Variants in ARHGAP44 observed in about 807,000 individuals in gnomAD.
The protein encoded by ARHGAP44 is rho GTPase-activating protein 44.
A neutral mutation model predicts 106.8 loss-of-function variants in ARHGAP44; 43 were observed. The observed-to-expected ratio is 0.40, with a 90% CI of 0.32 to 0.52. ARHGAP44 has a LOEUF of 0.52. ARHGAP44 is among the 20% of genes least tolerant of loss of function. The pLI, the probability that ARHGAP44 is intolerant of heterozygous loss-of-function variation, is 0.48. For missense variants in ARHGAP44, 866 were observed against 1,050.5 expected, an observed-to-expected ratio of 0.82 and a Z score of 2.43; for synonymous variants, 439 against 410.3, an observed-to-expected ratio of 1.07 and a Z score of -0.85.
chr17:12,826,222 C>T (rs2034915368), intron 1 of ARHGAP44, among the ~76,000 whole-genome samples: 1 of 152,122 alleles, frequency 6.6e-6, no homozygotes, highest in African/African-American at 2.4e-5. Context: ...TGATCCTCTC[C>T]ATCCTCCCAC....
At chr17:12,920,250 C>T (rs891750575) in intron 6 of ARHGAP44, among the ~76,000 whole-genome samples, 3 of 148,246 alleles carry the variant, frequency 2.0e-5, no homozygotes, top group South Asian at 2.2e-4. Context: ...GTGGCGGGTG[C>T]CTGTAGTCCC....
chr17:12,926,664 AAAAAG>A (rs1478749902), intron 6 of ARHGAP44, among the ~76,000 whole-genome samples: 2 of 151,312 alleles, frequency 1.3e-5, no homozygotes, highest in East Asian at 1.9e-4. Context: ...AGATGAGAAT[AAAAAG>A]AAAAGAAGGA....
chr17:12,989,121 A>C (rs941258495), intron 20 of ARHGAP44, among the ~76,000 whole-genome samples: 2 of 148,980 alleles, frequency 1.3e-5, no homozygotes, highest in Non-Finnish European at 3.0e-5. Flanking sequence ...AAAAAAAAAA[A>C]AAAACTAAGC....
chr17:12,954,228 G>A (rs561840669), intron 13 of ARHGAP44, among the ~76,000 whole-genome samples: 7 of 152,134 alleles, frequency 4.6e-5, no homozygotes, highest in Non-Finnish European at 7.3e-5. Flanking sequence ...ACAAGGTTTA[G>A]CTAGGGAAGA....
intron 1 of ARHGAP44, among the ~76,000 whole-genome samples, chr17:12,845,517 A>AC (rs1555546590): frequency 7.0e-6 from 1 of 141,932 alleles, no homozygotes; most frequent in African/African-American, 2.8e-5. Context: ...AAAAAAAAAA[A>AC]AAAAACAAAA....
chr17:12,868,850 G>T (rs2036320061), intron 1 of ARHGAP44, among the ~76,000 whole-genome samples: 1 of 150,982 alleles, frequency 6.6e-6, no homozygotes, highest in South Asian at 2.1e-4. Flanking sequence ...TAGAGACAGG[G>T]TCTCACCATA....
At position 12,874,625 on chromosome 17, in the gene ARHGAP44, C is replaced by T. The variant is rs189368605; in HGVS notation, c.54-20315C>T. 8.5e-3 allele frequency among the ~76,000 whole-genome samples: 1,297 copies of T among 151,712 alleles called. 25 individuals are homozygous for T. Among genetic ancestry groups the T allele is most frequent in the Admixed American group, 0.032 (491 of 15,236 alleles). ...GGGCACCTGTAAATCCCAGCTACTT[C>T]GGAGGCTGAGACAGGAGAATCGCTT... On this transcript the variant is annotated intron_variant, in intron 1 of 20. Coordinates refer to ENST00000379672, the MANE Select transcript of ARHGAP44 (RefSeq NM_014859.6).
intron 1 of ARHGAP44, among the ~76,000 whole-genome samples, chr17:12,795,243 GTA>G (rs1215726689): frequency 1.3e-5 from 2 of 152,188 alleles, no homozygotes; most frequent in Non-Finnish European, 2.9e-5. Flanking sequence ...CTGTTCTGCT[GTA>G]TATATGTGAG....
chr17:12,932,534 T>C (rs1473075553), intron 7 of ARHGAP44, among the ~76,000 whole-genome samples: 1 of 152,332 alleles, frequency 6.6e-6, no homozygotes, highest in East Asian at 1.9e-4. Context: ...GTGTTTCCTT[T>C]GCATGGGAAA....
At chr17:12,840,400 A>G (rs963218070) in intron 1 of ARHGAP44, among the ~76,000 whole-genome samples, 3 of 152,216 alleles carry the variant, frequency 2.0e-5, no homozygotes, top group Admixed American at 6.5e-5. Context: ...AGTACCCAGG[A>G]TGCTGACCTA....
chr17:12,922,831 C>T (rs1380843388), intron 6 of ARHGAP44, among the ~76,000 whole-genome samples: 1 of 151,976 alleles, frequency 6.6e-6, no homozygotes, highest in South Asian at 2.1e-4. Flanking sequence ...ACTCCTCTAG[C>T]AGGAACACTA....
intron 6 of ARHGAP44, among the ~76,000 whole-genome samples, chr17:12,920,844 C>T (rs1294716438): frequency 6.6e-6 from 1 of 152,126 alleles, no homozygotes; most frequent in Non-Finnish European, 1.5e-5. Context: ...CAGAGTCCAC[C>T]AGAAAATTCC....
chr17:12,834,321 G>T (rs2035175082), intron 1 of ARHGAP44, among the ~76,000 whole-genome samples: 1 of 152,024 alleles, frequency 6.6e-6, no homozygotes, highest in East Asian at 1.9e-4. Context: ...TCCTTACTCT[G>T]CTAAAAGTAT....
At chr17:12,837,787 A>G (rs945157829) in intron 1 of ARHGAP44, among the ~76,000 whole-genome samples, 3 of 152,130 alleles carry the variant, frequency 2.0e-5, no homozygotes, top group African/African-American at 4.8e-5. Context: ...GTTATTATAC[A>G]TTGGGGGCTC....
At chr17:12,848,632 C>T (rs1010500119) in intron 1 of ARHGAP44, among the ~76,000 whole-genome samples, 17 of 152,174 alleles carry the variant, frequency 1.1e-4, no homozygotes, top group African/African-American at 4.1e-4. Context: ...GGTGCTTGTA[C>T]ACCTCTGAAA....
intron 13 of ARHGAP44, among the ~76,000 whole-genome samples, chr17:12,954,596 G>A (rs909696377): frequency 2.0e-5 from 3 of 152,082 alleles, no homozygotes; most frequent in African/African-American, 4.8e-5. Flanking sequence ...ACTTTCTACC[G>A]GGCTCACGAA....
intron 7 of ARHGAP44, among the ~76,000 whole-genome samples, chr17:12,938,147 T>C (rs919558837): frequency 2.0e-5 from 3 of 152,116 alleles, no homozygotes; most frequent in Non-Finnish European, 4.4e-5. Flanking sequence ...TTGTAAAATA[T>C]TGCTAACAAG....
chr17:12,951,887 G>A (rs1415431165), intron 12 of ARHGAP44, among the ~76,000 whole-genome samples: 2 of 152,150 alleles, frequency 1.3e-5, no homozygotes, highest in African/African-American at 4.8e-5. Flanking sequence ...AAGCTCCCAA[G>A]GCTATTGGGT....
At chr17:12,950,345 G>T (rs926935525) in intron 12 of ARHGAP44, among the ~76,000 whole-genome samples, 1 of 152,030 alleles carries the variant, frequency 6.6e-6, no homozygotes, top group Non-Finnish European at 1.5e-5. Context: ...GTCATGACAC[G>T]TGGGCAGCAG....
Sources: gnomAD v4.1 joint callset for allele counts (sites outside exome capture counted in the v4.1 genomes callset) on GRCh38, gnomAD v4.1.1 for gene constraint, MANE v1.5 for transcripts, NCBI Gene and HGNC (gene_info 2026-07-23, HGNC 2026-07-21) for gene names.